Variants in CDKAL1 observed in about 807,000 individuals in gnomAD.
CDKAL1 encodes the protein CDKAL1 threonylcarbamoyladenosine tRNA methylthiotransferase.
CDKAL1 carries 32 observed loss-of-function variants against 68.2 expected under a neutral mutation model. The observed-to-expected ratio is 0.47, with a 90% CI of 0.35 to 0.63. The LOEUF (loss-of-function observed/expected upper bound fraction) is 0.63. Ranked by LOEUF, CDKAL1 falls within the 30% of genes least tolerant of loss-of-function variation. The pLI is 0.00. For synonymous variants in CDKAL1, 234 were observed against 244.3 expected (o/e 0.96, Z 0.39); for missense variants, 606 against 696.7 (o/e 0.87, Z 1.47).
chr6:20,558,975 A>G (rs190389863), intron 4 of CDKAL1: 1 of 157,362 alleles, frequency 6.4e-6, no homozygotes. Flanking sequence ...TTACTGTGTT[A>G]TGCAATAGTT....
intron 4 of CDKAL1, among the ~76,000 whole-genome samples, chr6:20,633,204 CCT>C (rs1323786042): frequency 9.9e-5 from 15 of 152,168 alleles, no homozygotes; most frequent in Non-Finnish European, 2.2e-4. Context: ...TCCTCCTATC[CCT>C]CTCAGCCCTA....
At chr6:20,728,932 C>T (rs1331384543) in intron 5 of CDKAL1, among the ~76,000 whole-genome samples, 2 of 151,654 alleles carry the variant, frequency 1.3e-5, no homozygotes, top group African/African-American at 4.9e-5. Context: ...ATTAAAAGGG[C>T]AAATTTGGAT....
chr6:20,605,805 T>TG (rs1766309628), intron 4 of CDKAL1, among the ~76,000 whole-genome samples: 1 of 152,212 alleles, frequency 6.6e-6, no homozygotes, highest in Admixed American at 6.5e-5. Context: ...GAGTCAGCTC[T>TG]GGGCGCCGTT....
At chr6:20,541,489 A>G (rs567540893) in intron 2 of CDKAL1, among the ~76,000 whole-genome samples, 1 of 152,286 alleles carries the variant, frequency 6.6e-6, no homozygotes, top group Non-Finnish European at 1.5e-5. Context: ...CAGTGACAAG[A>G]GAAGCTATCT....
intron 4 of CDKAL1, among the ~76,000 whole-genome samples, chr6:20,578,349 C>G (rs1425202818): frequency 6.6e-6 from 1 of 152,042 alleles, no homozygotes; most frequent in Non-Finnish European, 1.5e-5. Flanking sequence ...CCCTCCTTTT[C>G]CCTTCCCCTC....
At chr6:21,016,901 C>G (rs775213670) in intron 11 of CDKAL1, among the ~76,000 whole-genome samples, 23 of 152,150 alleles carry the variant, frequency 1.5e-4, no homozygotes, top group Non-Finnish European at 2.8e-4. Context: ...TTTCATAACT[C>G]TAGCCTCACT....
At chr6:20,982,432 T>G (rs1766203905) in intron 10 of CDKAL1, among the ~76,000 whole-genome samples, 1 of 152,172 alleles carries the variant, frequency 6.6e-6, no homozygotes, top group Non-Finnish European at 1.5e-5. Flanking sequence ...AGGCTTATGC[T>G]TACCTAGTTC....
chr6:20,715,072 A>G (rs1772027482), intron 5 of CDKAL1, among the ~76,000 whole-genome samples: 1 of 152,226 alleles, frequency 6.6e-6, no homozygotes, highest in Non-Finnish European at 1.5e-5. Context: ...GAGCAGTTAT[A>G]ATCTACTCAT....
chr6:21,092,042 A>G (rs1454549522), intron 12 of CDKAL1, among the ~76,000 whole-genome samples: 4 of 151,036 alleles, frequency 2.6e-5, no homozygotes, highest in South Asian at 4.2e-4. Flanking sequence ...GCCCGCCACT[A>G]CGCCTGGCTC....
At chr6:20,649,413 T>C (rs1561996230) in intron 5 of CDKAL1, 36 bp downstream of exon 5, 1 of 1,188,322 alleles carries the variant, frequency 8.4e-7, no homozygotes, top group South Asian at 1.3e-5. Context: ...TTTTGTATAA[T>C]CAAAGTAAGA....
intron 5 of CDKAL1, among the ~76,000 whole-genome samples, chr6:20,676,690 T>C (rs1770123494): frequency 7.1e-6 from 1 of 140,420 alleles, no homozygotes; most frequent in Non-Finnish European, 1.5e-5. Context: ...AATAAATAAA[T>C]AAATAAATAA....
At chr6:20,823,808 AT>A in intron 8 of CDKAL1, among the ~76,000 whole-genome samples, 1 of 152,316 alleles carries the variant, frequency 6.6e-6, no homozygotes, top group East Asian at 1.9e-4. Context: ...GAATTACTAC[AT>A]TTTGTAAATG....
intron 2 of CDKAL1, among the ~76,000 whole-genome samples, chr6:20,543,947 A>G (rs1378188641): frequency 1.3e-5 from 2 of 151,992 alleles, no homozygotes; most frequent in African/African-American, 4.8e-5. Flanking sequence ...CATGTTGGCC[A>G]GGCTGTTCTT....
At chr6:20,992,031 CTTTTTTTTTT>C (rs71530401) in intron 10 of CDKAL1, among the ~76,000 whole-genome samples, 1 of 100,476 alleles carries the variant, frequency 1.0e-5, no homozygotes, top group Non-Finnish European at 1.9e-5. Context: ...TTTTTCTTTT[CTTTTTTTTTT>C]TTTTTTTTTT....
chr6:20,935,807 C>T lies in CDKAL1; in HGVS notation c.743-19612C>T, dbSNP rs144005699. 6.9e-3 allele frequency among the ~76,000 whole-genome samples: 1,054 copies of T among 152,248 alleles called. 10 individuals carry two copies. The highest frequency in any genetic ancestry group is 9.0e-3 in the Non-Finnish European group (615 of 68,016). ...CTGGTCTACAACTCCTGCGCTCAAGCGATCCTCCCCCTTTGGCCTCCCGAA... is the reference window on the plus strand; with the variant it reads ...CTGGTCTACAACTCCTGCGCTCAAGTGATCCTCCCCCTTTGGCCTCCCGAA... On this transcript the variant is annotated intron_variant, in intron 9 of 15. Coordinates refer to ENST00000274695, the MANE Select transcript of CDKAL1 (RefSeq NM_017774.3).
At chr6:21,115,981 C>T (rs1424317940) in intron 13 of CDKAL1, among the ~76,000 whole-genome samples, 1 of 152,186 alleles carries the variant, frequency 6.6e-6, no homozygotes, top group Non-Finnish European at 1.5e-5. Context: ...TCCTTGCATC[C>T]TCATCAATGC....
At chr6:20,840,157 C>T (rs570966737) in intron 8 of CDKAL1, among the ~76,000 whole-genome samples, 131 of 152,172 alleles carry the variant, frequency 8.6e-4, no homozygotes, top group African/African-American at 2.9e-3. Context: ...GTTTCCTCTA[C>T]GGAAGAATAA....
chr6:20,637,426 G>T (rs1767957692), intron 4 of CDKAL1, among the ~76,000 whole-genome samples: 2 of 152,200 alleles, frequency 1.3e-5, no homozygotes, highest in South Asian at 4.1e-4. Context: ...AGCCGGGTGT[G>T]GTGGCGGGTG....
intron 5 of CDKAL1, among the ~76,000 whole-genome samples, chr6:20,738,376 C>T (rs1055096521): frequency 5.3e-5 from 8 of 151,774 alleles, no homozygotes; most frequent in Non-Finnish European, 7.4e-5. Flanking sequence ...TATGCATACC[C>T]GAGTGAATAA....
Sources: allele counts gnomAD v4.1 joint callset (sites outside exome capture counted in the v4.1 genomes callset), GRCh38; gene constraint gnomAD v4.1.1; transcripts MANE v1.5; gene names NCBI Gene and HGNC (gene_info 2026-07-23, HGNC 2026-07-21).